The following CNTNAP2 variants were observed in gnomAD, a reference collection of about 807,000 sequenced individuals.
CNTNAP2 encodes the protein contactin associated protein 2, also known as contactin-associated protein-like 2.
A neutral mutation model predicts 155.2 loss-of-function variants in CNTNAP2; 98 were observed. The ratio of observed to expected loss-of-function variants is 0.63; its 90% CI spans 0.54 to 0.75. CNTNAP2 has a LOEUF of 0.75. CNTNAP2 is among the 30% of genes least tolerant of loss of function. The pLI is 0.00. For synonymous variants in CNTNAP2, 651 were observed against 631.2 expected, an observed-to-expected ratio of 1.03 and a Z score of -0.47; for missense variants, 1,727 against 1,688.1, an observed-to-expected ratio of 1.02 and a Z score of -0.40.
At chr7:147,728,120 C>T (rs564180680) in intron 13 of CNTNAP2, among the ~76,000 whole-genome samples, 5 of 151,960 alleles carry the variant, frequency 3.3e-5, no homozygotes, top group South Asian at 2.1e-4. Flanking sequence ...TTGCCATAGA[C>T]GACTTTTCAG....
At chr7:147,673,830 T>C (rs913646372) in intron 13 of CNTNAP2, among the ~76,000 whole-genome samples, 1 of 152,206 alleles carries the variant, frequency 6.6e-6, no homozygotes, top group Non-Finnish European at 1.5e-5. Context: ...TTTTCTGAAA[T>C]ATAGGAAGCA....
chr7:146,156,260 T>A (rs1009325536), intron 1 of CNTNAP2, among the ~76,000 whole-genome samples: 1 of 152,188 alleles, frequency 6.6e-6, no homozygotes, highest in Non-Finnish European at 1.5e-5. Flanking sequence ...TGTTGTTTCT[T>A]ACATTAGTGT....
intron 1 of CNTNAP2, among the ~76,000 whole-genome samples, chr7:146,644,155 C>T (rs1029614885): frequency 1.3e-5 from 2 of 152,142 alleles, no homozygotes; most frequent in African/African-American, 4.8e-5. Context: ...CCCTTTATTT[C>T]CTTCTCCTGC....
At chr7:147,482,535 A>G (rs556185419) in intron 10 of CNTNAP2, among the ~76,000 whole-genome samples, 10 of 151,602 alleles carry the variant, frequency 6.6e-5, no homozygotes, top group Non-Finnish European at 1.5e-4. Flanking sequence ...TGGCTAACAC[A>G]GTGAAACCCC....
intron 11 of CNTNAP2, among the ~76,000 whole-genome samples, chr7:147,499,178 T>TA (rs1361886707): frequency 6.6e-6 from 1 of 152,154 alleles, no homozygotes; most frequent in African/African-American, 2.4e-5. Flanking sequence ...TCCACAGACT[T>TA]AAAAAATTAA....
chr7:147,351,165 T>G (rs1795962347), intron 9 of CNTNAP2, among the ~76,000 whole-genome samples: 1 of 151,804 alleles, frequency 6.6e-6, no homozygotes, highest in Admixed American at 6.6e-5. Flanking sequence ...GTCACTGTTT[T>G]TAGGTTTCAA....
At chr7:148,018,405 C>A (rs1055368636) in intron 15 of CNTNAP2, among the ~76,000 whole-genome samples, 1 of 152,136 alleles carries the variant, frequency 6.6e-6, no homozygotes, top group African/African-American at 2.4e-5. Context: ...AATTTCATTT[C>A]TAAAGGATGG....
At chr7:146,898,175 A>G (rs1312427764) in intron 3 of CNTNAP2, among the ~76,000 whole-genome samples, 2 of 152,148 alleles carry the variant, frequency 1.3e-5, no homozygotes, top group Non-Finnish European at 2.9e-5. Flanking sequence ...CAATTCTGCA[A>G]TTATCTTCTG....
chr7:148,054,855 T>C (rs1013617737), intron 15 of CNTNAP2, among the ~76,000 whole-genome samples: 1 of 151,588 alleles, frequency 6.6e-6, no homozygotes, highest in African/African-American at 2.4e-5. Context: ...AAACATACTT[T>C]CTCCAGTATG....
At chr7:147,399,401 T>C (rs1375606069) in intron 10 of CNTNAP2, among the ~76,000 whole-genome samples, 1 of 152,032 alleles carries the variant, frequency 6.6e-6, no homozygotes. Flanking sequence ...TAGACCAGGG[T>C]GCTAGCACAA....
Position 147,891,394 on chromosome 7 carries a change from G to A in CNTNAP2, c.2099-12171G>A, listed in dbSNP as rs563855729. On this transcript the variant is annotated intron_variant, in intron 13 of 23. Coordinates refer to ENST00000361727, the MANE Select transcript of CNTNAP2 (RefSeq NM_014141.6). ...TAATTTTTGTATTTTTAGTAGAGAC[G>A]GGGTTTCACCATATTGGACAGGCTG... Among the ~76,000 whole-genome samples the A allele has an allele frequency of 3.4e-4, 51 of 152,026 alleles. 1 individual carries two copies. The highest frequency in any genetic ancestry group is 6.8e-3 in the Middle Eastern group (2 of 294).
At chr7:147,072,948 G>T (rs1265005035) in intron 4 of CNTNAP2, among the ~76,000 whole-genome samples, 1 of 145,258 alleles carries the variant, frequency 6.9e-6, no homozygotes, top group Non-Finnish European at 1.5e-5. Flanking sequence ...CACCTCCTGG[G>T]TTCACACCAT....
At chr7:148,180,928 TG>T (rs1172720145) in intron 18 of CNTNAP2, among the ~76,000 whole-genome samples, 9 of 152,116 alleles carry the variant, frequency 5.9e-5, no homozygotes, top group African/African-American at 1.9e-4. Flanking sequence ...ACCCTCAATG[TG>T]GGAAGGCATT....
At chr7:147,287,993 T>C (rs1805220697) in intron 8 of CNTNAP2, among the ~76,000 whole-genome samples, 1 of 152,082 alleles carries the variant, frequency 6.6e-6, no homozygotes, top group Non-Finnish European at 1.5e-5. Flanking sequence ...GGCCTTTACC[T>C]ATATATTTTC....
intron 21 of CNTNAP2, among the ~76,000 whole-genome samples, chr7:148,379,214 T>C (rs4726961): frequency 0.96 from 58,603 of 60,932 alleles, 28,418 homozygotes; most frequent in East Asian, 1. Context: ...GAAAATGAAG[T>C]TGACAGTGAT....
Position 148,211,459 on chromosome 7 carries a change from G to A in CNTNAP2, c.3011-5829G>A, listed in dbSNP as rs560141560. Among the ~76,000 whole-genome samples, 61 of 152,364 alleles carry A rather than the reference G, an allele frequency of 4.0e-4. No individual in the cohort carries two copies. In the South Asian group the frequency reaches 0.011, roughly 26 times the overall value. On this transcript the variant is annotated intron_variant, in intron 18 of 23. Coordinates refer to ENST00000361727, the MANE Select transcript of CNTNAP2 (RefSeq NM_014141.6). ...CTGACTGAAGGAGTGGATAGAGCACGTGCATGAGGCAGCTTGCACAGTCTG... is the reference window on the plus strand; with the variant it reads ...CTGACTGAAGGAGTGGATAGAGCACATGCATGAGGCAGCTTGCACAGTCTG...
At chr7:146,389,932 C>G (rs1334560264) in intron 1 of CNTNAP2, among the ~76,000 whole-genome samples, 1 of 151,980 alleles carries the variant, frequency 6.6e-6, no homozygotes, top group Non-Finnish European at 1.5e-5. Context: ...AACTCCTGAC[C>G]TCAGGTGATC....
intron 15 of CNTNAP2, among the ~76,000 whole-genome samples, chr7:148,104,756 A>T (rs1804173654): frequency 6.6e-6 from 1 of 152,196 alleles, no homozygotes; most frequent in South Asian, 2.1e-4. Context: ...CCACCTGAGG[A>T]CCCGGTGAAG....
At chr7:148,104,402 G>A (rs1484106429) in intron 15 of CNTNAP2, among the ~76,000 whole-genome samples, 1 of 152,102 alleles carries the variant, frequency 6.6e-6, no homozygotes, top group Non-Finnish European at 1.5e-5. Flanking sequence ...CTCACCTGAT[G>A]GATTTGATAT....
Sources: gnomAD v4.1 joint callset for allele counts (sites outside exome capture counted in the v4.1 genomes callset) on GRCh38, gnomAD v4.1.1 for gene constraint, MANE v1.5 for transcripts, NCBI Gene and HGNC (gene_info 2026-07-23, HGNC 2026-07-21) for gene names.